HS1BP3: variants seen among roughly 807,000 people sequenced by gnomAD.
HS1BP3 encodes the protein HCLS1 binding protein 3.
In HS1BP3, 32 loss-of-function variants were observed where a neutral mutation model predicts 33.5. The ratio of observed to expected loss-of-function variants is 0.95; its 90% CI spans 0.72 to 1.28. HS1BP3 has a LOEUF of 1.28. Ranked by LOEUF, HS1BP3 falls within the 50% of genes most tolerant of loss-of-function variation. HS1BP3 has a pLI of 0.00. For synonymous variants in HS1BP3, 187 were observed against 209.2 expected (o/e 0.89, Z 0.92); for missense variants, 486 against 502.3 (o/e 0.97, Z 0.31).
At chr2:20,648,770 C>T (rs1695594505) in intron 1 of HS1BP3, among the ~76,000 whole-genome samples, 1 of 152,198 alleles carries the variant, frequency 6.6e-6, no homozygotes, top group African/African-American at 2.4e-5. Context: ...GCCTGACATC[C>T]CCACTGGGCT....
chr2:20,624,718 G>A lies in HS1BP3; in HGVS notation c.784+14C>T. 1 of 1,577,902 alleles carries A rather than the reference G, an allele frequency of 6.3e-7. No individual in the cohort carries two copies. Among genetic ancestry groups the A allele is most frequent in the Non-Finnish European group, 8.6e-7 (1 of 1,160,650 alleles). On this transcript the variant is annotated intron_variant, in intron 5 of 6. Coordinates refer to ENST00000304031, the MANE Select transcript of HS1BP3 (RefSeq NM_022460.4). ...CGAGAGGACACCAGGAGCAGACCAT[G>A]GGGCTCTACTTACGGTCCACGGATG... is the stretch of plus-strand genomic sequence containing the variant.
chr2:20,568,196 G>A (rs1693181475), intron 5 of HS1BP3, among the ~76,000 whole-genome samples: 1 of 152,196 alleles, frequency 6.6e-6, no homozygotes, highest in Non-Finnish European at 1.5e-5. Context: ...CTCACAGGAG[G>A]AGAAAGGTGG....
chr2:20,605,782 G>A (rs1462568784), intron 2 of HS1BP3, among the ~76,000 whole-genome samples: 1 of 152,184 alleles, frequency 6.6e-6, no homozygotes, highest in African/African-American at 2.4e-5. Context: ...ATACTTTAGG[G>A]CTGTTCTTTA....
At chr2:20,587,995 C>T (rs536980547), downstream of HS1BP3, among the ~76,000 whole-genome samples, 4 of 152,168 alleles carry the variant, frequency 2.6e-5, no homozygotes, top group South Asian at 4.1e-4. Flanking sequence ...CTTATCCCCA[C>T]CCCAGGACAT....
At chr2:20,555,035 G>A in the HS1BP3 span, among the ~76,000 whole-genome samples, 25 of 152,142 alleles carry the variant, frequency 1.6e-4, no homozygotes, top group South Asian at 6.2e-4. Context: ...TCCCTGCCTC[G>A]GCCTGAAACG....
intron 5 of HS1BP3, 25 bp from the exon 6 acceptor site, chr2:20,624,056 G>T (rs2305460): frequency 0.38 from 613,023 of 1,607,040 alleles, 123,789 homozygotes; most frequent in East Asian, 0.7. Context: ...CAGCAGGGGG[G>T]TCAGAGGAAG....
At chr2:20,610,814 G>T (rs1694303310) in intron 2 of HS1BP3, among the ~76,000 whole-genome samples, 1 of 152,228 alleles carries the variant, frequency 6.6e-6, no homozygotes, top group Non-Finnish European at 1.5e-5. Flanking sequence ...GGTATATTGA[G>T]ATATAATTCG....
At position 20,619,153 on chromosome 2, in the gene HS1BP3, G is replaced by A. The variant is rs767897962; in HGVS notation, c.1013C>T (p.Pro338Leu). Residue 338 changes from proline (P) to leucine (L), a missense_variant, in exon 7 of 7, where the codon CCG becomes CTG. Pro to Leu is a moderately conservative substitution (Grantham distance 98). Coordinates refer to ENST00000304031, the MANE Select transcript of HS1BP3 (RefSeq NM_022460.4). The part of the protein sequence containing the change: ...LKPKPPVAAK[P>L]VIPRKPAVPP... ...AACAGCTGGTTTTCTGGGTATCACC[G>A]GCTTAGCTGCCACTGGTGGCTTGGG... 1.2e-5 allele frequency: 20 copies of A among 1,614,060 alleles called. No homozygotes were observed. Among genetic ancestry groups the A allele is most frequent in the East Asian group, 6.7e-5 (3 of 44,898 alleles).
intron 3 of HS1BP3, chr2:20,598,160 C>A: frequency 4.1e-6 from 1 of 241,304 alleles, no homozygotes; most frequent in Admixed American, 4.0e-5. Flanking sequence ...CACTTTATTT[C>A]TATTATTATT....
At chr2:20,567,787 C>T (rs950886631) in intron 5 of HS1BP3, among the ~76,000 whole-genome samples, 4 of 152,210 alleles carry the variant, frequency 2.6e-5, no homozygotes, top group Admixed American at 6.5e-5. Flanking sequence ...GCTGAGCTTC[C>T]CTCCTTAGGA....
At chr2:20,575,701 A>G (rs2149273866) in intron 5 of HS1BP3, among the ~76,000 whole-genome samples, 1 of 151,742 alleles carries the variant, frequency 6.6e-6, no homozygotes, top group South Asian at 2.1e-4. Context: ...GGCCTGGCCC[A>G]TGTGCCTGGG....
chr2:20,610,210 G>A (rs914174693), intron 2 of HS1BP3, among the ~76,000 whole-genome samples: 1 of 152,162 alleles, frequency 6.6e-6, no homozygotes, highest in African/African-American at 2.4e-5. Flanking sequence ...ATGGACACAT[G>A]GACGCCTCCT....
chr2:20,570,321 C>A (rs1693236279), intron 5 of HS1BP3, among the ~76,000 whole-genome samples: 2 of 152,176 alleles, frequency 1.3e-5, no homozygotes, highest in African/African-American at 4.8e-5. Context: ...ACCTTCCTTC[C>A]ATTCTCTGGC....
chr2:20,585,636 C>T (rs2149277235), intron 5 of HS1BP3, among the ~76,000 whole-genome samples: 1 of 152,356 alleles, frequency 6.6e-6, no homozygotes, highest in East Asian at 1.9e-4. Flanking sequence ...AAATCCATTG[C>T]TTCATGCTTT....
the HS1BP3 span, among the ~76,000 whole-genome samples, chr2:20,555,084 C>T: frequency 5.3e-5 from 8 of 152,224 alleles, no homozygotes; most frequent in African/African-American, 1.9e-4. Context: ...GCTAACTGTT[C>T]TCTGTGCTTC....
At position 20,606,863 on chromosome 2, in the gene HS1BP3, G is replaced by A. The variant is rs370568868; in HGVS notation, c.179-8598C>T. ...TATTCTAGACACTAGATCCTTAAAC[G>A]ATATATGGTTTGCAAACATTTTGTC... On this transcript the variant is annotated intron_variant, in intron 2 of 3. Transcript: ENST00000415264. Among the ~76,000 whole-genome samples, 27 of 152,014 alleles carry A rather than the reference G, an allele frequency of 1.8e-4. No homozygotes were observed. In the South Asian group the frequency reaches 4.6e-3, roughly 26 times the overall value.
Position 20,641,081 on chromosome 2 carries a change from C to A in HS1BP3, c.298G>T (p.Val100Phe). ...LPPLPRKVLF[V>F]GESDIRERRA... ...CTCTCCCGGATGTCAGACTCCCCAA[C>A]AAACAGGACCTTCCTGGGTAGTGGG... The change falls in exon 3 of 7, where the codon GTT becomes TTT. Residue 100 changes from valine to phenylalanine, a missense_variant. Coordinates refer to ENST00000304031, the MANE Select transcript of HS1BP3 (RefSeq NM_022460.4). 1 of 1,614,068 alleles carries A rather than the reference C, an allele frequency of 6.2e-7. No individual in the cohort carries two copies. The highest frequency in any genetic ancestry group is 8.5e-7 in the Non-Finnish European group (1 of 1,180,030).
At chr2:20,572,528 GT>G (rs1012506609) in intron 5 of HS1BP3, among the ~76,000 whole-genome samples, 1 of 150,734 alleles carries the variant, frequency 6.6e-6, no homozygotes, top group African/African-American at 2.4e-5. Context: ...TTCTTATTTT[GT>G]TTTTTTTTCT....
intron 5 of HS1BP3, among the ~76,000 whole-genome samples, chr2:20,562,974 G>A (rs1355304439): frequency 6.6e-6 from 1 of 152,144 alleles, no homozygotes; most frequent in Non-Finnish European, 1.5e-5. Flanking sequence ...ACCAGTACCT[G>A]GGAACCTTCT....
Sources: allele counts gnomAD v4.1 joint callset (sites outside exome capture counted in the v4.1 genomes callset), GRCh38; gene constraint gnomAD v4.1.1; transcripts MANE v1.5; gene names NCBI Gene and HGNC (gene_info 2026-07-23, HGNC 2026-07-21).